INPP5F: variants seen among roughly 807,000 people sequenced by gnomAD.
INPP5F encodes the protein inositol polyphosphate-5-phosphatase F.
Under a neutral mutation model 137.2 loss-of-function variants are expected in INPP5F, and 97 were observed. The ratio of observed to expected loss-of-function variants is 0.71; its 90% CI spans 0.60 to 0.84. The LOEUF (loss-of-function observed/expected upper bound fraction) is 0.84, where lower values mean the gene tolerates loss of function less well. INPP5F is among the 40% of genes least tolerant of loss of function. The probability of loss-of-function intolerance (pLI) is 0.00; values close to 1 mark genes in which losing one functional copy is unlikely to be tolerated. For synonymous variants in INPP5F, 504 were observed against 476.9 expected (o/e 1.06, Z -0.74); for missense variants, 1,271 against 1,371.9 (o/e 0.93, Z 1.16).
chr10:119,785,286 G>GTTTTTTTTTTTTTTTTGTTTTTTTTTT (rs1849849539), intron 3 of INPP5F, among the ~76,000 whole-genome samples: 1 of 106,228 alleles, frequency 9.4e-6, no homozygotes, highest in African/African-American at 3.7e-5. Context: ...CTGCCAGACT[G>GTTTTTTTTTTTTTTTTGTTTTTTTTTT]TTTTTTTTTT....
chr10:119,795,213 G>T (rs1319529991), intron 6 of INPP5F, among the ~76,000 whole-genome samples: 1 of 145,900 alleles, frequency 6.9e-6, no homozygotes, highest in East Asian at 2.1e-4. Flanking sequence ...CCGGGCAGAG[G>T]CGCCCCTCAC....
At chr10:119,808,114 T>G in intron 13 of INPP5F, 54 bp downstream of exon 13, 1 of 1,565,628 alleles carries the variant, frequency 6.4e-7, no homozygotes, top group Non-Finnish European at 8.6e-7. Context: ...CAGCTTAGAC[T>G]ATGGTTTAAA....
chr10:119,777,229 C>T (rs1035776247), intron 2 of INPP5F, among the ~76,000 whole-genome samples: 4 of 152,098 alleles, frequency 2.6e-5, no homozygotes, highest in African/African-American at 9.7e-5. Context: ...ATAGAAATGG[C>T]CGGGCGCAGT....
At chr10:119,750,809 C>T (rs1242524525) in intron 1 of INPP5F, among the ~76,000 whole-genome samples, 1 of 152,154 alleles carries the variant, frequency 6.6e-6, no homozygotes, top group African/African-American at 2.4e-5. Context: ...CACTGTAGGG[C>T]GCCAAGGTAC....
Position 119,810,168 on chromosome 10 carries a change from C to T in INPP5F, c.1638C>T (p.Asn546=), listed in dbSNP as rs1173591273. ...GVMKDGVNSA[N]RYYLNRFKDA... Reference sequence around the variant, plus strand: ...TGAAAGATGGAGTGAACTCAGCAAACAGATATTACCTCAACCGATTTAAGG... The same window carrying T: ...TGAAAGATGGAGTGAACTCAGCAAATAGATATTACCTCAACCGATTTAAGG... The change falls in exon 14 of 20, where the codon AAC becomes AAT. Residue 546 remains asparagine (N), a synonymous_variant. Coordinates refer to ENST00000650623, the MANE Select transcript of INPP5F (RefSeq NM_014937.4). 1.2e-6 allele frequency: 2 copies of T among 1,612,870 alleles called. No individual in the cohort carries two copies. Among genetic ancestry groups the T allele is most frequent in the African/African-American group, 2.7e-5 (2 of 74,868 alleles).
chr10:119,759,764 G>T lies in INPP5F; in HGVS notation c.178+8608G>T, dbSNP rs1414723032. ...TTAACAGACTTGAGTCTTGGAAGCAGGCAGCTAAGTGGTGTGAGAGGATTA... is the reference window on the plus strand; with the variant it reads ...TTAACAGACTTGAGTCTTGGAAGCATGCAGCTAAGTGGTGTGAGAGGATTA... On this transcript the variant is annotated intron_variant, in intron 2 of 19. Coordinates refer to ENST00000650623, the MANE Select transcript of INPP5F (RefSeq NM_014937.4). 2.0e-5 allele frequency among the ~76,000 whole-genome samples: 3 copies of T among 152,288 alleles called. No homozygotes were observed. In the East Asian group the frequency reaches 5.8e-4, roughly 29 times the overall value.
At chr10:119,790,457 A>G (rs188636427) in intron 3 of INPP5F, among the ~76,000 whole-genome samples, 10 of 152,260 alleles carry the variant, frequency 6.6e-5, no homozygotes, top group Admixed American at 5.9e-4. Context: ...GATAGCCATG[A>G]TTTTGAAAAG....
intron 15 of INPP5F, chr10:119,814,709 C>T (rs1851193617): frequency 6.6e-6 from 1 of 152,262 alleles, no homozygotes; most frequent in African/African-American, 2.4e-5. Flanking sequence ...GCATGATGGA[C>T]AATGAAACCT....
At chr10:119,794,537 C>A (rs1044241748) in intron 6 of INPP5F, among the ~76,000 whole-genome samples, 1 of 151,942 alleles carries the variant, frequency 6.6e-6, no homozygotes, top group Admixed American at 6.5e-5. Flanking sequence ...CTGTTGGGTA[C>A]ACCTCCCAGA....
intron 3 of INPP5F, among the ~76,000 whole-genome samples, chr10:119,789,822 T>TG (rs147157456): frequency 2.0e-5 from 3 of 151,618 alleles, no homozygotes; most frequent in African/African-American, 7.3e-5. Flanking sequence ...GACCAAACGT[T>TG]GGGGCACCTA....
rs1483860791 is a variant in INPP5F, at chr10:119,787,911, G to A, written c.316-3606G>A. ...CTAGATCATGAGGGGAGCTGTTAGAGTGTCTGCACTGAGTTGGATAATCCT... is the reference window on the plus strand; with the variant it reads ...CTAGATCATGAGGGGAGCTGTTAGAATGTCTGCACTGAGTTGGATAATCCT... On this transcript the variant is annotated intron_variant, in intron 3 of 19. Coordinates refer to ENST00000650623, the MANE Select transcript of INPP5F (RefSeq NM_014937.4). This position sits in a 1 kb window ranked among gnomAD's most constrained non-coding sequence, Gnocchi z 4.1. Among the ~76,000 whole-genome samples the A allele has an allele frequency of 1.3e-5, 2 of 152,142 alleles. No homozygotes were observed. The highest frequency in any genetic ancestry group is 1.9e-4 in the East Asian group (1 of 5,186).
chr10:119,798,034 GTTTT>G (rs71019721), intron 8 of INPP5F, among the ~76,000 whole-genome samples: 3 of 147,852 alleles, frequency 2.0e-5, no homozygotes, highest in African/African-American at 5.0e-5. Flanking sequence ...TTCTGTGAAA[GTTTT>G]TTTTTTTGTT....
chr10:119,790,677 T>C (rs1160215416), intron 3 of INPP5F, among the ~76,000 whole-genome samples: 2 of 152,250 alleles, frequency 1.3e-5, no homozygotes, highest in Non-Finnish European at 2.9e-5. Context: ...GTCTCCTACT[T>C]AGTGTAGCAA....
chr10:119,827,263 A>G lies in INPP5F; in HGVS notation c.2882A>G (p.His961Arg), dbSNP rs762846402. 6.2e-7 allele frequency: 1 copy of G among 1,614,184 alleles called. No homozygotes were observed. Among genetic ancestry groups the G allele is most frequent in the African/African-American group, 1.3e-5 (1 of 75,054 alleles). The change falls in exon 20 of 20, where the codon CAC becomes CGC. Residue 961 changes from histidine (H) to arginine (R), a missense_variant. By Grantham distance (29) the His-to-Arg change is conservative (BLOSUM62 0). Transcript: ENST00000650623. ...GFAKPMDIYC[H>R]RFVQDAQNKV... The stretch of plus-strand genomic sequence containing the variant: ...GCCAAGCCTATGGATATTTACTGCC[A>G]CAGATTTGTGCAAGATGCACAGAAC...
At chr10:119,792,395 A>T (rs1484519006) in intron 6 of INPP5F, among the ~76,000 whole-genome samples, 182 bp downstream of exon 6, 2 of 152,176 alleles carry the variant, frequency 1.3e-5, no homozygotes, top group African/African-American at 4.8e-5. Flanking sequence ...GCATTATTTT[A>T]AGGCAGTTTA....
chr10:119,732,446 A>G (rs1277117463), intron 1 of INPP5F, among the ~76,000 whole-genome samples: 2 of 151,194 alleles, frequency 1.3e-5, no homozygotes, highest in African/African-American at 2.4e-5. Context: ...TGAGATTAAC[A>G]GTAGCTAATA....
chr10:119,787,461 T>G lies in INPP5F; in HGVS notation c.316-4056T>G, dbSNP rs1849958518. 6.6e-6 allele frequency among the ~76,000 whole-genome samples: 1 copy of G among 152,034 alleles called. No individual in the cohort carries two copies. Among genetic ancestry groups the G allele is most frequent in the Non-Finnish European group, 1.5e-5 (1 of 68,016 alleles). ...TTAGCCAGGCATGATGGCATGTGCC[T>G]CAGCTACTCGGGAGGCTAAGGTGGA... On this transcript the variant is annotated intron_variant, in intron 3 of 19. Coordinates refer to ENST00000650623, the MANE Select transcript of INPP5F (RefSeq NM_014937.4). This position sits in a 1 kb window ranked among gnomAD's most constrained non-coding sequence, Gnocchi z 4.1.
At chr10:119,767,475 A>C (rs1165022163) in intron 2 of INPP5F, among the ~76,000 whole-genome samples, 1 of 152,234 alleles carries the variant, frequency 6.6e-6, no homozygotes, top group African/African-American at 2.4e-5. Context: ...AAGCAGAATA[A>C]TAATGATTTA....
At chr10:119,747,526 A>T (rs1425207689) in intron 1 of INPP5F, among the ~76,000 whole-genome samples, 6 of 152,002 alleles carry the variant, frequency 3.9e-5, no homozygotes, top group African/African-American at 7.3e-5. Context: ...GCCTTGCTTT[A>T]AAAAAAAATT....
Sources: gnomAD v4.1 joint callset for allele counts (sites outside exome capture counted in the v4.1 genomes callset) on GRCh38, gnomAD v4.1.1 for gene constraint, Gnocchi (gnomAD v3.1) non-coding constraint, MANE v1.5 for transcripts, NCBI Gene and HGNC (gene_info 2026-07-23, HGNC 2026-07-21) for gene names.